TAFA1: variants seen among roughly 807,000 people sequenced by gnomAD.
The protein encoded by TAFA1 is TAFA chemokine like family member 1.
TAFA1 carries 4 observed loss-of-function variants against 18.5 expected under a neutral mutation model. The observed-to-expected ratio is 0.22, with a 90% confidence interval of 0.11 to 0.49. The LOEUF is 0.49. Ranked by LOEUF, TAFA1 falls within the 20% of genes least tolerant of loss-of-function variation. The pLI is 0.98. For missense variants in TAFA1, 147 were observed against 169.0 expected, an observed-to-expected ratio of 0.87 and a Z score of 0.72; for synonymous variants, 56 against 55.2, an observed-to-expected ratio of 1.01 and a Z score of -0.06.
chr3:68,325,123 T>G (rs763567226), intron 2 of TAFA1, among the ~76,000 whole-genome samples: 7 of 152,136 alleles, frequency 4.6e-5, no homozygotes, highest in Non-Finnish European at 1.0e-4. Context: ...ATCACAGAAG[T>G]TTGGAAATCA....
At chr3:68,113,889 TTTTTTTTG>T (rs1205009871) in intron 2 of TAFA1, among the ~76,000 whole-genome samples, 781 of 12,784 alleles carry the variant, frequency 0.061, 23 homozygotes, top group African/African-American at 0.13. Context: ...TGGGGTGTAG[TTTTTTTTG>T]TTTTTTTTTT....
At chr3:68,499,151 G>C (rs953777939) in intron 3 of TAFA1, among the ~76,000 whole-genome samples, 1 of 151,920 alleles carries the variant, frequency 6.6e-6, no homozygotes, top group Non-Finnish European at 1.5e-5. Context: ...TCTGAGATCT[G>C]TGCAGAATTT....
chr3:68,048,835 C>T (rs1415917464), intron 2 of TAFA1, among the ~76,000 whole-genome samples: 1 of 152,078 alleles, frequency 6.6e-6, no homozygotes, highest in Non-Finnish European at 1.5e-5. Context: ...TGCGTATGTA[C>T]CACATTTTAA....
At chr3:68,121,615 T>C (rs2065399606) in intron 2 of TAFA1, among the ~76,000 whole-genome samples, 1 of 152,144 alleles carries the variant, frequency 6.6e-6, no homozygotes, top group Non-Finnish European at 1.5e-5. Context: ...CCTAATTCAA[T>C]AACATGAGTT....
At chr3:68,251,511 G>GA (rs1263217621) in intron 2 of TAFA1, among the ~76,000 whole-genome samples, 4 of 152,148 alleles carry the variant, frequency 2.6e-5, no homozygotes, top group Non-Finnish European at 5.9e-5. Flanking sequence ...AGAAAACAAA[G>GA]ATTTGCATTT....
At chr3:68,381,254 C>T (rs1267921091) in intron 2 of TAFA1, among the ~76,000 whole-genome samples, 1 of 151,564 alleles carries the variant, frequency 6.6e-6, no homozygotes. Flanking sequence ...GCAATGTGGG[C>T]TCTTTTTTGG....
At chr3:68,001,279 C>T (rs553954297), upstream of TAFA1, among the ~76,000 whole-genome samples, 3 of 152,192 alleles carry the variant, frequency 2.0e-5, no homozygotes, top group East Asian at 5.8e-4. Flanking sequence ...ACAAGATAAG[C>T]AATGAGGAAT....
At chr3:68,170,750 G>C (rs1220323636) in intron 2 of TAFA1, among the ~76,000 whole-genome samples, 2 of 151,112 alleles carry the variant, frequency 1.3e-5, no homozygotes, top group African/African-American at 2.4e-5. Flanking sequence ...AGAGGCTGGA[G>C]GATTTATTGA....
chr3:68,079,267 C>T (rs1411536197), intron 2 of TAFA1, among the ~76,000 whole-genome samples: 1 of 152,154 alleles, frequency 6.6e-6, no homozygotes, highest in African/African-American at 2.4e-5. Flanking sequence ...AAACCAGCTC[C>T]TGGATTCATT....
At chr3:68,406,358 C>G (rs1386947100) in intron 2 of TAFA1, among the ~76,000 whole-genome samples, 1 of 152,074 alleles carries the variant, frequency 6.6e-6, no homozygotes, top group Non-Finnish European at 1.5e-5. Flanking sequence ...AGAATAGGGT[C>G]AAGGGAGATC....
chr3:68,503,822 G>C (rs535091727), intron 3 of TAFA1, among the ~76,000 whole-genome samples: 1 of 152,190 alleles, frequency 6.6e-6, no homozygotes, highest in South Asian at 2.1e-4. Flanking sequence ...TAATGGAACA[G>C]CATTCATAGA....
chr3:68,171,476 T>C (rs923505388), intron 2 of TAFA1, among the ~76,000 whole-genome samples: 1 of 152,132 alleles, frequency 6.6e-6, no homozygotes, highest in African/African-American at 2.4e-5. Flanking sequence ...TTCACAGCAA[T>C]AGAAATGTAA....
At chr3:68,531,016 C>CAAAACAAAACAAAACAA (rs139878393) in intron 3 of TAFA1, among the ~76,000 whole-genome samples, 6 of 147,518 alleles carry the variant, frequency 4.1e-5, no homozygotes, top group African/African-American at 1.5e-4. Context: ...TTAACAACAA[C>CAAAACAAAACAAAACAA]AACAAAACAA....
At chr3:68,324,901 G>A (rs1445422888) in intron 2 of TAFA1, among the ~76,000 whole-genome samples, 2 of 152,180 alleles carry the variant, frequency 1.3e-5, no homozygotes, top group Non-Finnish European at 2.9e-5. Context: ...GCTCATGTCT[G>A]TGTTATGGTC....
chr3:68,426,387 C>T (rs1043609550), intron 3 of TAFA1, among the ~76,000 whole-genome samples: 5 of 151,796 alleles, frequency 3.3e-5, no homozygotes, highest in Middle Eastern at 3.4e-3. Context: ...CAGGTATAGA[C>T]ATATAAAACT....
intron 2 of TAFA1, among the ~76,000 whole-genome samples, chr3:68,155,590 A>T (rs1238078106): frequency 3.3e-5 from 5 of 152,116 alleles, no homozygotes; most frequent in African/African-American, 1.2e-4. Flanking sequence ...TGTGTGGCCC[A>T]AGGGGAAGTG....
intron 2 of TAFA1, among the ~76,000 whole-genome samples, chr3:68,178,075 C>T (rs569144126): frequency 2.0e-5 from 3 of 152,010 alleles, no homozygotes; most frequent in Admixed American, 6.6e-5. Flanking sequence ...ACCTGGGAGG[C>T]GGAGCTTGCA....
chr3:68,241,805 C>A (rs1041007207), intron 2 of TAFA1, among the ~76,000 whole-genome samples: 7 of 152,108 alleles, frequency 4.6e-5, no homozygotes, highest in African/African-American at 1.7e-4. Flanking sequence ...TTTTCATCCG[C>A]CATGGATGAA....
chr3:67,994,604 C>T, the TAFA1 span, among the ~76,000 whole-genome samples: 1 of 152,158 alleles, frequency 6.6e-6, no homozygotes. Context: ...AAGGACATTT[C>T]CCCAGCTTGT....
Sources: allele counts gnomAD v4.1 joint callset (sites outside exome capture counted in the v4.1 genomes callset), GRCh38; gene constraint gnomAD v4.1.1; transcripts MANE v1.5; gene names NCBI Gene and HGNC (gene_info 2026-07-23, HGNC 2026-07-21).